Variants in MPDZ observed in about 807,000 individuals in gnomAD.
MPDZ encodes multiple PDZ domain crumbs cell polarity complex component.
Under a neutral mutation model 239.1 loss-of-function variants are expected in MPDZ, and 234 were observed. The observed-to-expected ratio is 0.98, with a 90% CI of 0.88 to 1.09. MPDZ has a LOEUF of 1.09. Ranked by LOEUF, MPDZ falls within the 50% of genes least tolerant of loss-of-function variation. The pLI is 0.00. For missense variants in MPDZ, 3,175 were observed against 2,510.0 expected (o/e 1.26, Z -5.66); for synonymous variants, 1,048 against 881.3 (o/e 1.19, Z -3.35).
rs141032911 is a variant in MPDZ at position 13,156,553 on chromosome 9, CAGG to C, written c.3452+1462_3452+1464del. On this transcript the variant is annotated intron_variant, in intron 24 of 46. Transcript: ENST00000319217. ...AGGTCTCCTGAGGCCCATTTACTATCAGGAGAACAGCATGGGAAAGACCTGCCC... is the reference window on the plus strand; with the variant it reads ...AGGTCTCCTGAGGCCCATTTACTATCAGAACAGCATGGGAAAGACCTGCCC... Among the ~76,000 whole-genome samples the C allele has an allele frequency of 5.3e-5, 8 of 152,258 alleles. 1 individual carries two copies. The East Asian group carries it at 1.5e-3, about 29-fold the overall frequency.
At chr9:13,136,418 G>A (rs549365846) in intron 30 of MPDZ, among the ~76,000 whole-genome samples, 10 of 130,180 alleles carry the variant, frequency 7.7e-5, no homozygotes, top group Non-Finnish European at 1.2e-4. Flanking sequence ...TGCAACCTCC[G>A]CCTCCCAGGT....
rs1384020398 is a variant in MPDZ at position 13,111,948 on chromosome 9, G to A, written c.5724+76C>T. 7 of 1,494,162 alleles carry A rather than the reference G, an allele frequency of 4.7e-6. No homozygotes were observed. In the Admixed American group the frequency reaches 1.1e-4, roughly 24 times the overall value. The allele number at this position is 1,494,162 out of a possible 1,614,324, so 92.6% of individuals were successfully genotyped here. A position where few individuals can be genotyped will look rare whatever the true frequency, so the allele number is the denominator to read the frequency against. On this transcript the variant is annotated intron_variant, in intron 43 of 46. Coordinates refer to ENST00000319217, the MANE Select transcript of MPDZ (RefSeq NM_001378778.1). Reference sequence around the variant, plus strand: ...GATATTTAAAACTGCCTTGCAACAGGTAGCCAGGTTCAAAGGTTTATAAAA... The same window carrying A: ...GATATTTAAAACTGCCTTGCAACAGATAGCCAGGTTCAAAGGTTTATAAAA...
At chr9:13,137,676 C>A in intron 29 of MPDZ, among the ~76,000 whole-genome samples, 1 of 152,136 alleles carries the variant, frequency 6.6e-6, no homozygotes, top group East Asian at 1.9e-4. Flanking sequence ...AAATGCAGCA[C>A]ACAAAACAAA....
chr9:13,226,277 C>CTT (rs1212001244), intron 3 of MPDZ, among the ~76,000 whole-genome samples: 1 of 152,066 alleles, frequency 6.6e-6, no homozygotes, highest in Non-Finnish European at 1.5e-5. Flanking sequence ...TTGTGTGTGC[C>CTT]TTTTAAAAGA....
intron 28 of MPDZ, among the ~76,000 whole-genome samples, chr9:13,139,243 A>G (rs1383826507): frequency 6.6e-6 from 1 of 152,224 alleles, no homozygotes; most frequent in African/African-American, 2.4e-5. Flanking sequence ...AAGATGTACT[A>G]CAGCTTTCTT....
intron 8 of MPDZ, among the ~76,000 whole-genome samples, chr9:13,217,975 T>C (rs939085721): frequency 4.6e-5 from 7 of 151,952 alleles, no homozygotes; most frequent in Non-Finnish European, 7.4e-5. Context: ...CATTAGTTGA[T>C]TGGTACAATA....
rs766638287 is a variant in MPDZ, at chr9:13,138,170, CAACA to C, written c.4004-21_4004-18del. 2 of 1,540,968 alleles carry C rather than the reference CAACA, an allele frequency of 1.3e-6. No individual in the cohort carries two copies. The highest frequency in any genetic ancestry group is 2.0e-5 in the Admixed American group (1 of 49,578). On this transcript the variant is annotated intron_variant, in intron 28 of 46. Transcript: ENST00000319217. The stretch of plus-strand genomic sequence containing the variant: ...TGATATTTTCTACATACAACAACAA[CAACA>C]AATACATATTTACAGTTAATTTACA...
rs948248517 is a variant in MPDZ at position 13,109,184 on chromosome 9, T to C, written c.5943-125A>G. On this transcript the variant is annotated intron_variant, in intron 45 of 46. Coordinates refer to ENST00000319217, the MANE Select transcript of MPDZ (RefSeq NM_001378778.1). ...CTCTTTGTTACTGACAAGGAGTATA[T>C]TACGGGTATTTTTGAGATGCTTAAA... is the stretch of plus-strand genomic sequence containing the variant. The C allele has an allele frequency of 5.0e-6, 4 of 797,584 alleles. No homozygotes were observed. The African/African-American group carries it at 5.4e-5, about 11-fold the overall frequency. The allele number at this position is 797,584 out of a possible 1,614,324, so 49.4% of individuals were successfully genotyped here.
chr9:13,106,996 T>G lies in MPDZ; in HGVS notation c.6182A>C (p.Lys2061Thr), dbSNP rs1941564070. The G allele has an allele frequency of 1.9e-6, 3 of 1,613,492 alleles. No homozygotes were observed. Among genetic ancestry groups the G allele is most frequent in the African/African-American group, 2.7e-5 (2 of 74,912 alleles). The change falls in exon 47 of 47, where the codon AAA becomes ACA. Residue 2061 changes from lysine (K) to threonine (T), a missense_variant. Lys to Thr is a moderately conservative substitution (Grantham distance 78). Transcript: ENST00000319217. ...GAGAACCATCAAAGTGACAGTGCCT[T>G]TTGTCCGTTTAAGGATGGCAACAGC... ...EEAVAILKRT[K>T]GTVTLMVLS
intron 12 of MPDZ, among the ~76,000 whole-genome samples, chr9:13,198,067 A>G (rs1444001944): frequency 1.3e-5 from 2 of 152,104 alleles, no homozygotes; most frequent in African/African-American, 2.4e-5. Context: ...AGGGGTACGG[A>G]TATCTCTTTG....
At chr9:13,218,986 TA>T (rs1958712913) in intron 8 of MPDZ, among the ~76,000 whole-genome samples, 1 of 151,950 alleles carries the variant, frequency 6.6e-6, no homozygotes, top group Non-Finnish European at 1.5e-5. Flanking sequence ...AACTTTTGTT[TA>T]AAAAATTATA....
At chr9:13,149,004 T>C (rs918561477) in intron 25 of MPDZ, among the ~76,000 whole-genome samples, 11 of 151,992 alleles carry the variant, frequency 7.2e-5, no homozygotes, top group African/African-American at 2.7e-4. Flanking sequence ...AAATCTCTTT[T>C]GCTATTTAGG....
intron 42 of MPDZ, 105 bp downstream of exon 42, chr9:13,112,906 T>A: frequency 8.9e-7 from 1 of 1,121,766 alleles, no homozygotes; most frequent in South Asian, 1.4e-5. Context: ...AATACATACT[T>A]TTTGAGATGA....
At chr9:13,231,060 G>C (rs568329614) in intron 3 of MPDZ, among the ~76,000 whole-genome samples, 22 of 152,064 alleles carry the variant, frequency 1.4e-4, no homozygotes, top group African/African-American at 5.3e-4. Flanking sequence ...ATTCAAAAAA[G>C]TCAAAAAGTT....
chr9:13,198,651 A>C (rs1955957005), intron 12 of MPDZ, among the ~76,000 whole-genome samples: 1 of 151,696 alleles, frequency 6.6e-6, no homozygotes, highest in Admixed American at 6.6e-5. Flanking sequence ...TTACATAAAA[A>C]ATCTTTGCCC....
At chr9:13,147,898 T>G (rs1948651268) in intron 25 of MPDZ, among the ~76,000 whole-genome samples, 2 of 152,030 alleles carry the variant, frequency 1.3e-5, no homozygotes, top group African/African-American at 2.4e-5. Context: ...TCAATTGAAA[T>G]GAAGGCTCTG....
intron 1 of MPDZ, among the ~76,000 whole-genome samples, chr9:13,251,880 A>G (rs1212255030): frequency 6.6e-6 from 1 of 152,240 alleles, no homozygotes; most frequent in East Asian, 1.9e-4. Context: ...GTGTCAAGAA[A>G]AGAGGACACT....
chr9:13,201,975 T>C (rs1587746838), intron 12 of MPDZ, among the ~76,000 whole-genome samples: 1 of 152,284 alleles, frequency 6.6e-6, no homozygotes, highest in East Asian at 1.9e-4. Flanking sequence ...CGTCCATTGC[T>C]GGAGGTTTGT....
chr9:13,266,312 T>C (rs1012647740), intron 1 of MPDZ, among the ~76,000 whole-genome samples: 1 of 152,204 alleles, frequency 6.6e-6, no homozygotes, highest in Non-Finnish European at 1.5e-5. Flanking sequence ...TAATATTTAA[T>C]GTGGTTGTTT....
Sources: allele counts gnomAD v4.1 joint callset (sites outside exome capture counted in the v4.1 genomes callset), GRCh38; gene constraint gnomAD v4.1.1; transcripts MANE v1.5; gene names NCBI Gene and HGNC (gene_info 2026-07-23, HGNC 2026-07-21).